The following ARID5B variants were observed in gnomAD, a reference collection of about 807,000 sequenced individuals.
The protein encoded by ARID5B is AT-rich interactive domain-containing protein 5B.
Under a neutral mutation model 97.2 loss-of-function variants are expected in ARID5B, and 13 were observed. The ratio of observed to expected loss-of-function variants is 0.13; its 90% CI spans 0.09 to 0.21. The LOEUF is 0.21. Among genes scored for constraint, ARID5B ranks in the 10% least tolerant of loss-of-function variants. ARID5B has a pLI of 1.00. For missense variants in ARID5B, 1,210 were observed against 1,465.3 expected (o/e 0.83, Z 2.84); for synonymous variants, 556 against 570.3 (o/e 0.97, Z 0.36).
chr10:62,006,070 A>G lies in ARID5B; in HGVS notation c.733+5749A>G, dbSNP rs1839142017. On this transcript the variant is annotated intron_variant, in intron 4 of 9. Transcript: ENST00000279873. The stretch of plus-strand genomic sequence containing the variant: ...TTGTATATTGCTGTTTATGCAGAAG[A>G]CCTTAACCTTCAGAGATCTTACTTG... 4.6e-5 allele frequency among the ~76,000 whole-genome samples: 7 copies of G among 152,174 alleles called. No individual in the cohort carries two copies. In the South Asian group the frequency reaches 1.4e-3, roughly 32 times the overall value.
At position 61,940,203 on chromosome 10, in the gene ARID5B, C is replaced by T. The variant is rs368857563; in HGVS notation, c.297C>T (p.Ser99=). The change falls in exon 3 of 10, where the codon TCC becomes TCT. Residue 99 remains serine (S), a synonymous_variant. Transcript: ENST00000279873. ...DHGEDEVIAV[S]EKVIVKLEDL... ...TGTAGGATGAAGTCATTGCTGTTTCCGAAAAGGTGATTGTGAAGCTTGAAG... is the reference window on the plus strand; with the variant it reads ...TGTAGGATGAAGTCATTGCTGTTTCTGAAAAGGTGATTGTGAAGCTTGAAG... 45 of 1,613,924 alleles carry T rather than the reference C, an allele frequency of 2.8e-5. No individual in the cohort carries two copies. Among genetic ancestry groups the T allele is most frequent in the Middle Eastern group, 1.6e-4 (1 of 6,084 alleles).
rs1589253208 is a variant in ARID5B at position 62,000,822 on chromosome 10, G to A, written c.733+501G>A. ...TTAGTACTGTACAGTAGATAGACACGTAGAGAGATGATAGATAGATAGATA... is the reference window on the plus strand; with the variant it reads ...TTAGTACTGTACAGTAGATAGACACATAGAGAGATGATAGATAGATAGATA... On this transcript the variant is annotated intron_variant, in intron 4 of 9. Coordinates refer to ENST00000279873, the MANE Select transcript of ARID5B (RefSeq NM_032199.3). The surrounding 1 kb of genome is among the most constrained non-coding windows in gnomAD (Gnocchi z 4.4). 1.4e-5 allele frequency among the ~76,000 whole-genome samples: 2 copies of A among 139,744 alleles called. No individual in the cohort carries two copies. The highest frequency in any genetic ancestry group is 2.1e-4 in the East Asian group (1 of 4,804). 91.7% of individuals were successfully genotyped at this position (139,744 alleles called of 152,430 possible).
chr10:61,969,972 T>A (rs1236218655), intron 3 of ARID5B, among the ~76,000 whole-genome samples: 5 of 152,220 alleles, frequency 3.3e-5, no homozygotes, highest in Admixed American at 3.3e-4. Flanking sequence ...GCATATGTTA[T>A]GGCTTGCCAG....
rs144320847 is a variant in ARID5B, at chr10:62,024,527, G to A, written c.733+24206G>A. The A allele has an allele frequency of 1.5e-3, 523 of 356,608 alleles. 7 individuals are homozygous for A. The East Asian group carries it at 0.019, about 13-fold the overall frequency. The allele number at this position is 356,608 out of a possible 1,614,324, so 22.1% of individuals were successfully genotyped here. On this transcript the variant is annotated intron_variant, in intron 4 of 9. Transcript: ENST00000279873. ...ACCATTCATCAAAGGATCATACCTC[G>A]GGACTTTATCTCTTTGGGTCAAATG...
chr10:61,914,000 C>T (rs1001065265), intron 2 of ARID5B, among the ~76,000 whole-genome samples: 3 of 151,460 alleles, frequency 2.0e-5, no homozygotes, highest in Non-Finnish European at 4.4e-5. Context: ...ATCCACCCGC[C>T]TCAGCCTCCC....
chr10:61,958,163 G>C (rs1380818977), intron 3 of ARID5B, among the ~76,000 whole-genome samples: 2 of 152,190 alleles, frequency 1.3e-5, no homozygotes, highest in Non-Finnish European at 2.9e-5. Context: ...CAGTGTTCCA[G>C]GAGCTTGGAT....
At chr10:61,942,237 G>A (rs1433059408) in intron 3 of ARID5B, among the ~76,000 whole-genome samples, 1 of 151,958 alleles carries the variant, frequency 6.6e-6, no homozygotes, top group Non-Finnish European at 1.5e-5. Flanking sequence ...GAAATAAAAG[G>A]TTGATCCTCT....
At chr10:62,054,300 G>A (rs751143474) in intron 5 of ARID5B, among the ~76,000 whole-genome samples, 3 of 152,050 alleles carry the variant, frequency 2.0e-5, no homozygotes, top group Non-Finnish European at 2.9e-5. Flanking sequence ...TGCTGAGAAT[G>A]CTTTGGGTAA....
At chr10:61,987,404 A>G (rs1443156129) in intron 3 of ARID5B, among the ~76,000 whole-genome samples, 4 of 152,234 alleles carry the variant, frequency 2.6e-5, no homozygotes, top group Non-Finnish European at 5.9e-5. Context: ...CCTGCCCTTC[A>G]AAGAACCCAT....
intron 3 of ARID5B, among the ~76,000 whole-genome samples, chr10:61,954,055 A>G (rs187751544): frequency 1.6e-4 from 25 of 152,218 alleles, no homozygotes; most frequent in African/African-American, 5.5e-4. Flanking sequence ...TTTTAATGTG[A>G]TTTTTAAAAA....
At chr10:61,980,163 T>C (rs1157406637) in intron 3 of ARID5B, among the ~76,000 whole-genome samples, 1 of 152,196 alleles carries the variant, frequency 6.6e-6, no homozygotes, top group Non-Finnish European at 1.5e-5. Context: ...AATGTAGTCC[T>C]AAAATGTGAC....
At chr10:62,027,454 G>A (rs1018654234) in intron 4 of ARID5B, among the ~76,000 whole-genome samples, 2 of 151,206 alleles carry the variant, frequency 1.3e-5, no homozygotes, top group African/African-American at 2.4e-5. Context: ...GACTGCAGGA[G>A]CCCACCACCA....
intron 8 of ARID5B, among the ~76,000 whole-genome samples, chr10:62,078,179 A>G (rs59013826): frequency 0.014 from 2,174 of 152,300 alleles, 60 homozygotes; most frequent in African/African-American, 0.047. Context: ...TTTGTGGGGT[A>G]CACATCACAT....
At chr10:61,990,147 C>T (rs532836686) in intron 3 of ARID5B, among the ~76,000 whole-genome samples, 1 of 152,304 alleles carries the variant, frequency 6.6e-6, no homozygotes, top group East Asian at 1.9e-4. Context: ...GGCAAGAGGC[C>T]TTTTCCCTTC....
chr10:61,932,437 A>G (rs1844227503), intron 2 of ARID5B, among the ~76,000 whole-genome samples: 1 of 147,682 alleles, frequency 6.8e-6, no homozygotes, highest in Non-Finnish European at 1.5e-5. Flanking sequence ...TTGAGACAGA[A>G]TCTCACTCTG....
intron 7 of ARID5B, among the ~76,000 whole-genome samples, chr10:62,065,459 G>A (rs940222066): frequency 1.3e-5 from 2 of 152,186 alleles, no homozygotes; most frequent in African/African-American, 2.4e-5. Flanking sequence ...GGTGGATGGT[G>A]ATGTGAATCT....
intron 3 of ARID5B, among the ~76,000 whole-genome samples, chr10:61,958,232 G>A (rs1265600082): frequency 6.6e-6 from 1 of 152,096 alleles, no homozygotes; most frequent in Non-Finnish European, 1.5e-5. Context: ...AAAAGAGTAG[G>A]CATTGTGACC....
At chr10:61,913,846 G>C (rs975491889) in intron 2 of ARID5B, among the ~76,000 whole-genome samples, 1 of 152,200 alleles carries the variant, frequency 6.6e-6, no homozygotes, top group Non-Finnish European at 1.5e-5. Context: ...CCGCCTCCCA[G>C]ATTCAAGCGA....
rs1564637227 is a variant in ARID5B at position 62,051,009 on chromosome 10, A to ATTCACTC, written c.846+10_846+16dup. ...GCAAAGCCGTTGCCAAGGTACGGTC[A>ATTCACTC]TTCACTCCACGGTATTCATTTCGTT... On this transcript the variant is annotated intron_variant, in intron 5 of 9. Coordinates refer to ENST00000279873, the MANE Select transcript of ARID5B (RefSeq NM_032199.3). 6.3e-7 allele frequency: 1 copy of ATTCACTC among 1,599,984 alleles called. No homozygotes were observed. The highest frequency in any genetic ancestry group is 8.6e-7 in the Non-Finnish European group (1 of 1,167,144).
Sources: gnomAD v4.1 joint callset for allele counts (sites outside exome capture counted in the v4.1 genomes callset) on GRCh38, gnomAD v4.1.1 for gene constraint, Gnocchi (gnomAD v3.1) non-coding constraint, MANE v1.5 for transcripts, NCBI Gene and HGNC (gene_info 2026-07-23, HGNC 2026-07-21) for gene names.